SLC25A26: variants seen among roughly 807,000 people sequenced by gnomAD.
SLC25A26 encodes the protein solute carrier family 25 member 26.
SLC25A26 carries 36 observed loss-of-function variants against 37.8 expected under a neutral mutation model. The ratio of observed to expected loss-of-function variants is 0.95; its 90% confidence interval spans 0.73 to 1.26. SLC25A26 has a LOEUF of 1.26. Among genes scored for constraint, SLC25A26 ranks in the 50% most tolerant of loss-of-function variants. The pLI, the probability that SLC25A26 is intolerant of heterozygous loss-of-function variation, is 0.00. For synonymous variants in SLC25A26, 129 were observed against 122.5 expected, an observed-to-expected ratio of 1.05 and a Z score of -0.35; for missense variants, 390 against 331.1, an observed-to-expected ratio of 1.18 and a Z score of -1.38.
intron 1 of SLC25A26, among the ~76,000 whole-genome samples, chr3:66,201,320 G>A (rs2071106070): frequency 6.6e-6 from 1 of 151,676 alleles, no homozygotes; most frequent in South Asian, 2.1e-4. Context: ...TATAAAGATT[G>A]TTTATATACA....
chr3:66,370,498 A>G, intron 8 of SLC25A26, 31 bp from the exon 9 acceptor site: 1 of 1,591,304 alleles, frequency 6.3e-7, no homozygotes, highest in Non-Finnish European at 8.6e-7. Flanking sequence ...GCTTCAGAAG[A>G]TAACGGGTTT....
chr3:66,376,695 G>A (rs1168820886), intron 9 of SLC25A26, among the ~76,000 whole-genome samples: 4 of 152,162 alleles, frequency 2.6e-5, no homozygotes, highest in Non-Finnish European at 4.4e-5. Context: ...CACTATTATG[G>A]TGGCCAAACT....
intron 5 of SLC25A26, among the ~76,000 whole-genome samples, chr3:66,324,601 G>A (rs2075787844): frequency 6.6e-6 from 1 of 152,142 alleles, no homozygotes; most frequent in Non-Finnish European, 1.5e-5. Context: ...GTTTCAGGAA[G>A]GGGCTGTTAC....
At chr3:66,336,990 G>C (rs2076105476) in intron 5 of SLC25A26, among the ~76,000 whole-genome samples, 1 of 152,054 alleles carries the variant, frequency 6.6e-6, no homozygotes, top group Non-Finnish European at 1.5e-5. Context: ...TGCTAAATCA[G>C]ACATGTGTTG....
chr3:66,289,923 C>G (rs1462602389), intron 5 of SLC25A26, among the ~76,000 whole-genome samples: 1 of 152,156 alleles, frequency 6.6e-6, no homozygotes, highest in Non-Finnish European at 1.5e-5. Flanking sequence ...TGGCCATTTT[C>G]ACGTTAATGA....
At chr3:66,305,030 C>G (rs2075178051) in intron 5 of SLC25A26, among the ~76,000 whole-genome samples, 1 of 152,178 alleles carries the variant, frequency 6.6e-6, no homozygotes. Flanking sequence ...TTATTAGCAA[C>G]TGACAGTTTT....
chr3:66,214,426 C>A (rs1348585192), intron 1 of SLC25A26, among the ~76,000 whole-genome samples: 1 of 152,128 alleles, frequency 6.6e-6, no homozygotes, highest in Non-Finnish European at 1.5e-5. Context: ...GCAAAACTGA[C>A]TCACATTAAG....
At chr3:66,308,006 A>C (rs112967232) in intron 5 of SLC25A26, among the ~76,000 whole-genome samples, 7,649 of 152,130 alleles carry the variant, frequency 0.05, 611 homozygotes, top group African/African-American at 0.17. Flanking sequence ...TCCATATGAA[A>C]TTTAAAGTAG....
At chr3:66,289,316 T>C (rs2107498555) in intron 5 of SLC25A26, among the ~76,000 whole-genome samples, 1 of 152,320 alleles carries the variant, frequency 6.6e-6, no homozygotes, top group South Asian at 2.1e-4. Context: ...GTGCAGAAGC[T>C]CTTTAGTTTA....
intron 1 of SLC25A26, among the ~76,000 whole-genome samples, chr3:66,180,277 T>C (rs531585147): frequency 6.6e-6 from 1 of 152,328 alleles, no homozygotes; most frequent in South Asian, 2.1e-4. Context: ...ACCCACACTT[T>C]TGCATGCTGC....
chr3:66,156,485 A>G (rs906536730), intron 1 of SLC25A26, among the ~76,000 whole-genome samples: 2 of 152,156 alleles, frequency 1.3e-5, no homozygotes, highest in African/African-American at 2.4e-5. Context: ...TTTGATTGCC[A>G]CTTAGTGTCC....
chr3:66,226,016 A>C (rs1160750202), intron 1 of SLC25A26, among the ~76,000 whole-genome samples: 3 of 152,166 alleles, frequency 2.0e-5, no homozygotes, highest in African/African-American at 7.2e-5. Context: ...AAACTGTTCC[A>C]ACCCCTGCTT....
At chr3:66,230,948 G>A (rs1446266454) in intron 1 of SLC25A26, among the ~76,000 whole-genome samples, 1 of 152,188 alleles carries the variant, frequency 6.6e-6, no homozygotes, top group African/African-American at 2.4e-5. Context: ...GCCAAGGCTG[G>A]TGGATCACCT....
intron 9 of SLC25A26, among the ~76,000 whole-genome samples, chr3:66,377,298 G>A (rs1009872564): frequency 3.3e-5 from 5 of 152,080 alleles, no homozygotes; most frequent in South Asian, 4.1e-4. Context: ...ACTCGTTGTC[G>A]TGACGTCATG....
intron 5 of SLC25A26, among the ~76,000 whole-genome samples, chr3:66,311,494 A>G (rs1311038253): frequency 1.3e-5 from 2 of 151,882 alleles, no homozygotes; most frequent in African/African-American, 4.8e-5. Flanking sequence ...TACTTCTGTC[A>G]GTTTTTCATA....
chr3:66,185,242 T>C (rs932688310), intron 1 of SLC25A26, among the ~76,000 whole-genome samples: 470 of 152,338 alleles, frequency 3.1e-3, no homozygotes, highest in Non-Finnish European at 5.9e-3. Flanking sequence ...TTTCACTTAG[T>C]ATAATAACCT....
At chr3:66,356,215 A>C (rs2076571804) in intron 6 of SLC25A26, 6 of 383,004 alleles carry the variant, frequency 1.6e-5, no homozygotes, top group African/African-American at 1.3e-4. Flanking sequence ...TTTAAATAGA[A>C]GACACTTGGT....
At chr3:66,282,346 A>G (rs1267839752) in intron 5 of SLC25A26, among the ~76,000 whole-genome samples, 1 of 152,012 alleles carries the variant, frequency 6.6e-6, no homozygotes, top group African/African-American at 2.4e-5. Flanking sequence ...GAGTTTCACC[A>G]TGTTGGCTAG....
intron 5 of SLC25A26, among the ~76,000 whole-genome samples, chr3:66,299,964 C>G (rs1328752398): frequency 6.6e-6 from 1 of 152,108 alleles, no homozygotes. Context: ...AATAAACTAC[C>G]AGGCTTTTGA....
Sources: gnomAD v4.1 joint callset for allele counts (sites outside exome capture counted in the v4.1 genomes callset) on GRCh38, gnomAD v4.1.1 for gene constraint, MANE v1.5 for transcripts, NCBI Gene and HGNC (gene_info 2026-07-23, HGNC 2026-07-21) for gene names.